The following IKZF2 variants were observed in gnomAD, a reference collection of about 807,000 sequenced individuals.
The protein encoded by IKZF2 is zinc finger protein Helios.
In IKZF2, 15 loss-of-function variants were observed where a neutral mutation model predicts 49.2. That is an observed-to-expected ratio of 0.30 (90% CI 0.20 to 0.47). The LOEUF (loss-of-function observed/expected upper bound fraction) is 0.47. IKZF2 is among the 20% of genes least tolerant of loss of function. IKZF2 has a pLI of 1.00. For missense variants in IKZF2, 567 were observed against 664.6 expected (o/e 0.85, Z 1.61); for synonymous variants, 227 against 221.4 (o/e 1.03, Z -0.23).
chr2:213,085,572 C>T (rs1438505670), intron 4 of IKZF2, among the ~76,000 whole-genome samples: 1 of 152,090 alleles, frequency 6.6e-6, no homozygotes, highest in Non-Finnish European at 1.5e-5. Context: ...GTTGGCAGTG[C>T]TGGTTTCACC....
intron 4 of IKZF2, among the ~76,000 whole-genome samples, chr2:213,102,992 G>A (rs981273629): frequency 6.6e-6 from 1 of 152,078 alleles, no homozygotes; most frequent in Non-Finnish European, 1.5e-5. Flanking sequence ...GAAATAACTG[G>A]AGGATCAAGT....
At chr2:213,081,526 G>A (rs1387921318) in intron 4 of IKZF2, among the ~76,000 whole-genome samples, 1 of 152,168 alleles carries the variant, frequency 6.6e-6, no homozygotes, top group Admixed American at 6.5e-5. Flanking sequence ...ATAAGGAGAA[G>A]ATATAAAAGA....
intron 6 of IKZF2, among the ~76,000 whole-genome samples, chr2:213,046,209 G>A (rs2125306412): frequency 6.6e-6 from 1 of 152,228 alleles, no homozygotes; most frequent in South Asian, 2.1e-4. Flanking sequence ...CATGAACTAG[G>A]TGTTATCTAA....
At chr2:213,106,004 G>GTT (rs1333602158) in intron 4 of IKZF2, among the ~76,000 whole-genome samples, 1 of 152,064 alleles carries the variant, frequency 6.6e-6, no homozygotes, top group Non-Finnish European at 1.5e-5. Context: ...GTTTGAAAAC[G>GTT]TTTTCTTCAA....
rs78240978 is a variant in IKZF2, at chr2:213,038,472, C to A, written c.574+11241G>T. On this transcript the variant is annotated intron_variant, in intron 6 of 8. Transcript: ENST00000434687. ...CAATCATTCCACAAAACTATCACTA[C>A]TATTAATATCCAAAGGTGTATAACT... 3.8e-3 allele frequency among the ~76,000 whole-genome samples: 585 copies of A among 152,194 alleles called. 3 individuals are homozygous for A. Among genetic ancestry groups the A allele is most frequent in the African/African-American group, 0.014 (561 of 41,526 alleles).
intron 6 of IKZF2, among the ~76,000 whole-genome samples, chr2:213,031,553 C>T (rs1429083937): frequency 1.3e-5 from 2 of 152,156 alleles, no homozygotes; most frequent in African/African-American, 4.8e-5. Flanking sequence ...TTATAAGAGT[C>T]TAAGTTGTTG....
At chr2:213,083,835 G>T (rs924820530) in intron 4 of IKZF2, among the ~76,000 whole-genome samples, 5 of 151,050 alleles carry the variant, frequency 3.3e-5, no homozygotes, top group Non-Finnish European at 7.4e-5. Context: ...CTAGTTGCAG[G>T]AAAACAAGCT....
chr2:213,072,848 A>G (rs1702853052), intron 4 of IKZF2, among the ~76,000 whole-genome samples: 1 of 152,140 alleles, frequency 6.6e-6, no homozygotes, highest in African/African-American at 2.4e-5. Flanking sequence ...CATGAACACG[A>G]AATCTAAGGC....
intron 6 of IKZF2, among the ~76,000 whole-genome samples, chr2:213,041,351 GA>G (rs574292335): frequency 7.9e-4 from 119 of 150,818 alleles, no homozygotes; most frequent in East Asian, 2.5e-3. Context: ...GGGGGGGTGG[GA>G]GGATGGAGTT....
intron 6 of IKZF2, among the ~76,000 whole-genome samples, chr2:213,032,269 A>C (rs1698514176): frequency 6.6e-6 from 1 of 152,212 alleles, no homozygotes; most frequent in South Asian, 2.1e-4. Context: ...CATATCTTGG[A>C]GATATTGCAG....
At chr2:213,125,717 CAT>C (rs1207280483) in intron 4 of IKZF2, among the ~76,000 whole-genome samples, 1 of 151,878 alleles carries the variant, frequency 6.6e-6, no homozygotes, top group African/African-American at 2.4e-5. Context: ...ATAACAAAAA[CAT>C]AGAAACAACC....
rs554010140 is a variant in IKZF2 at position 213,016,873 on chromosome 2, GGA to G, written c.713-2941_713-2940del. ...AGATCACATGTCTAGCTCCTGAGCA[GGA>G]GAGGGCAGAGTACCTGGACTGAGGG... On this transcript the variant is annotated intron_variant, in intron 7 of 8. Transcript: ENST00000434687. 4.8e-3 allele frequency: 725 copies of G among 152,254 alleles called. 7 individuals carry two copies. Among genetic ancestry groups the G allele is most frequent in the Non-Finnish European group, 8.3e-3 (562 of 68,024 alleles). 9.4% of individuals were successfully genotyped at this position (152,254 alleles called of 1,614,324 possible).
intron 4 of IKZF2, among the ~76,000 whole-genome samples, chr2:213,139,055 T>C (rs2060777696): frequency 1.3e-5 from 2 of 152,012 alleles, no homozygotes; most frequent in Admixed American, 1.3e-4. Flanking sequence ...TTATGGGCAC[T>C]ATAAGATTGT....
At chr2:213,062,359 A>G (rs1481606433) in intron 4 of IKZF2, among the ~76,000 whole-genome samples, 2 of 151,740 alleles carry the variant, frequency 1.3e-5, no homozygotes, top group Non-Finnish European at 3.0e-5. Context: ...CAGAGGGATT[A>G]TGATTTATTT....
At chr2:213,099,407 C>G (rs560142029) in intron 4 of IKZF2, among the ~76,000 whole-genome samples, 7 of 152,104 alleles carry the variant, frequency 4.6e-5, no homozygotes, top group Non-Finnish European at 1.0e-4. Context: ...TAAGCTGTAT[C>G]AAGTGTAACT....
At chr2:213,028,014 C>T (rs541949929) in intron 6 of IKZF2, among the ~76,000 whole-genome samples, 3 of 151,968 alleles carry the variant, frequency 2.0e-5, no homozygotes, top group Non-Finnish European at 4.4e-5. Context: ...TGTTTAACAT[C>T]GATTCACATA....
At chr2:213,020,237 G>C (rs552214314) in intron 7 of IKZF2, among the ~76,000 whole-genome samples, 12 of 151,982 alleles carry the variant, frequency 7.9e-5, no homozygotes, top group Non-Finnish European at 1.5e-4. Flanking sequence ...CAGTGTATTT[G>C]GTCAGCAAAT....
intron 4 of IKZF2, among the ~76,000 whole-genome samples, chr2:213,093,398 G>A (rs1420229038): frequency 6.6e-6 from 1 of 152,042 alleles, no homozygotes; most frequent in Non-Finnish European, 1.5e-5. Flanking sequence ...CGGGGCCTTT[G>A]CACATATACA....
chr2:213,103,794 G>A (rs1326524033), intron 4 of IKZF2, among the ~76,000 whole-genome samples: 1 of 38,242 alleles, frequency 2.6e-5, no homozygotes, highest in Non-Finnish European at 5.4e-5. Context: ...TAGAACAACT[G>A]TTACAGAAAT....
Sources: gnomAD v4.1 joint callset for allele counts (sites outside exome capture counted in the v4.1 genomes callset) on GRCh38, gnomAD v4.1.1 for gene constraint, MANE v1.5 for transcripts, NCBI Gene and HGNC (gene_info 2026-07-23, HGNC 2026-07-21) for gene names.